The following NEK1 variants were observed in gnomAD, a reference collection of about 807,000 sequenced individuals.
NEK1 encodes the protein NIMA related kinase 1, also known as serine/threonine-protein kinase Nek1.
Under a neutral mutation model 182.1 loss-of-function variants are expected in NEK1, and 137 were observed. The ratio of observed to expected loss-of-function variants is 0.75; its 90% CI spans 0.65 to 0.87. NEK1 has a LOEUF of 0.87. NEK1 is among the 40% of genes least tolerant of loss of function. The pLI is 0.00. For synonymous variants in NEK1, 513 were observed against 492.2 expected (o/e 1.04, Z -0.56); for missense variants, 1,391 against 1,494.4 (o/e 0.93, Z 1.14).
intron 23 of NEK1, among the ~76,000 whole-genome samples, chr4:169,505,472 A>G (rs1280732050): frequency 6.6e-6 from 1 of 152,252 alleles, no homozygotes. Context: ...AGAATACAGC[A>G]TATAATACAC....
chr4:169,513,783 G>T (rs1754592995), intron 19 of NEK1, among the ~76,000 whole-genome samples: 1 of 151,878 alleles, frequency 6.6e-6, no homozygotes, highest in Non-Finnish European at 1.5e-5. Context: ...TCATGAATGG[G>T]TGCTGATTTT....
chr4:169,449,065 T>C (rs1579725574), intron 27 of NEK1, among the ~76,000 whole-genome samples: 1 of 152,204 alleles, frequency 6.6e-6, no homozygotes, highest in Non-Finnish European at 1.5e-5. Flanking sequence ...AGCCCAGCAG[T>C]CTGAGATGGA....
At chr4:169,459,664 CTG>C (rs1452451225) in intron 27 of NEK1, among the ~76,000 whole-genome samples, 2 of 152,162 alleles carry the variant, frequency 1.3e-5, no homozygotes, top group African/African-American at 2.4e-5. Flanking sequence ...AATAAATAAA[CTG>C]TGGCACATCC....
At chr4:169,569,928 G>A (rs1764411918) in intron 12 of NEK1, among the ~76,000 whole-genome samples, 1 of 152,168 alleles carries the variant, frequency 6.6e-6, no homozygotes, top group African/African-American at 2.4e-5. Flanking sequence ...TCTGGGAAGT[G>A]AGGAGCGTCT....
intron 4 of NEK1, among the ~76,000 whole-genome samples, chr4:169,599,428 T>C (rs1258550187): frequency 6.6e-6 from 1 of 152,204 alleles, no homozygotes; most frequent in African/African-American, 2.4e-5. Flanking sequence ...CACTATTTTA[T>C]TGAATAGTGC....
intron 12 of NEK1, among the ~76,000 whole-genome samples, chr4:169,562,835 T>C (rs991800627): frequency 6.6e-6 from 1 of 152,188 alleles, no homozygotes; most frequent in African/African-American, 2.4e-5. Context: ...ATATATTAGA[T>C]ATTTACATTT....
intron 27 of NEK1, 107 bp from the exon 28 acceptor site, chr4:169,438,366 A>AT (rs1332421261): frequency 1.3e-6 from 1 of 749,402 alleles, no homozygotes; most frequent in African/African-American, 1.8e-5. Flanking sequence ...GCAACAGGCA[A>AT]TTACTAGTTA....
intron 27 of NEK1, among the ~76,000 whole-genome samples, chr4:169,448,969 C>T (rs1024236328): frequency 6.6e-6 from 1 of 152,236 alleles, no homozygotes; most frequent in African/African-American, 2.4e-5. Flanking sequence ...GTGCTTTTCC[C>T]AAGGTCTTAG....
Position 169,463,402 on chromosome 4 carries a change from G to T in NEK1, c.2435-7C>A. On this transcript the variant is annotated splice_region_variant and splice_polypyrimidine_tract_variant and intron_variant, in intron 26 of 35. Transcript: ENST00000507142. ...ACTTCTCCCACTGTATGTCCTATAA[G>T]AAAAATATACAAAGAAACAATTTTC... is the stretch of plus-strand genomic sequence containing the variant. 6.3e-7 allele frequency: 1 copy of T among 1,582,980 alleles called. No individual in the cohort carries two copies.
At chr4:169,482,213 T>G (rs1218508581) in intron 23 of NEK1, among the ~76,000 whole-genome samples, 2 of 152,220 alleles carry the variant, frequency 1.3e-5, no homozygotes, top group African/African-American at 4.8e-5. Flanking sequence ...AAAGAGAATG[T>G]TGCGGCTGGT....
In NEK1 at chr4:169,602,036, A is replaced by G; in HGVS notation, c.186T>C (p.Asn62=). Residue 62 remains asparagine (N), a synonymous_variant, in exon 4 of 36, where the codon AAT becomes AAC. Transcript: ENST00000507142. ...CAAATGATTCTCTATACTGGACAATATTTGGATGCTTCATGTTTGCCAATA... is the reference window on the plus strand; with the variant it reads ...CAAATGATTCTCTATACTGGACAATGTTTGGATGCTTCATGTTTGCCAATA... The part of the protein sequence containing the change: ...VAVLANMKHP[N]IVQYRESFEE... The G allele has an allele frequency of 6.2e-7, 1 of 1,613,020 alleles. No homozygotes were observed. Among genetic ancestry groups the G allele is most frequent in the Non-Finnish European group, 8.5e-7 (1 of 1,179,150 alleles).
chr4:169,458,024 A>G (rs1009980159), intron 27 of NEK1, among the ~76,000 whole-genome samples: 1 of 151,980 alleles, frequency 6.6e-6, no homozygotes, highest in Non-Finnish European at 1.5e-5. Context: ...CAGCCAACCC[A>G]GCAAGCTCTT....
At chr4:169,434,956 A>T (rs1237192262) in intron 28 of NEK1, among the ~76,000 whole-genome samples, 2 of 152,208 alleles carry the variant, frequency 1.3e-5, no homozygotes, top group African/African-American at 4.8e-5. Flanking sequence ...CAAAGCCTAG[A>T]ATATTTATTC....
At chr4:169,429,971 G>C (rs1737118186) in intron 29 of NEK1, among the ~76,000 whole-genome samples, 1 of 151,974 alleles carries the variant, frequency 6.6e-6, no homozygotes, top group African/African-American at 2.4e-5. Context: ...TTCAGAAATG[G>C]AAATGATTAT....
At chr4:169,505,342 A>G (rs1043100259) in intron 23 of NEK1, among the ~76,000 whole-genome samples, 26 of 151,702 alleles carry the variant, frequency 1.7e-4, no homozygotes, top group African/African-American at 4.1e-4. Flanking sequence ...TCCTCAGCCT[A>G]CTCCACCTGA....
intron 10 of NEK1, among the ~76,000 whole-genome samples, chr4:169,584,936 A>C (rs1019886566): frequency 6.6e-6 from 1 of 152,196 alleles, no homozygotes; most frequent in Admixed American, 6.5e-5. Flanking sequence ...CTATAATCCC[A>C]GCACTTTGGA....
chr4:169,466,006 A>C (rs1744857417), intron 26 of NEK1, among the ~76,000 whole-genome samples: 1 of 152,192 alleles, frequency 6.6e-6, no homozygotes. Flanking sequence ...AAAGGAAGAA[A>C]AAAATCAATG....
At chr4:169,458,136 C>T (rs148566473) in intron 27 of NEK1, among the ~76,000 whole-genome samples, 187 of 152,148 alleles carry the variant, frequency 1.2e-3, no homozygotes, top group Admixed American at 6.0e-3. Flanking sequence ...GGGACTGACA[C>T]TATGTGACTT....
chr4:169,561,355 A>G, intron 16 of NEK1, 125 bp downstream of exon 16: 1 of 785,082 alleles, frequency 1.3e-6, no homozygotes, highest in Non-Finnish European at 2.1e-6. Context: ...ATGTTAAAGA[A>G]TTCTAGGTAA....
Sources: allele counts gnomAD v4.1 joint callset (sites outside exome capture counted in the v4.1 genomes callset), GRCh38; gene constraint gnomAD v4.1.1; transcripts MANE v1.5; gene names NCBI Gene and HGNC (gene_info 2026-07-23, HGNC 2026-07-21).